The following MSH3 variants were observed in gnomAD, a reference collection of about 807,000 sequenced individuals.
MSH3 encodes mutS homolog 3.
MSH3 carries 106 observed loss-of-function variants against 123.3 expected under a neutral mutation model. The ratio of observed to expected loss-of-function variants is 0.86; its 90% CI spans 0.73 to 1.01. The LOEUF (loss-of-function observed/expected upper bound fraction) is 1.01, where lower values mean the gene tolerates loss of function less well. Ranked by LOEUF, MSH3 falls within the 50% of genes least tolerant of loss-of-function variation. The probability of loss-of-function intolerance (pLI) is 0.00; values close to 1 mark genes in which losing one functional copy is unlikely to be tolerated. For synonymous variants in MSH3, 515 were observed against 481.4 expected (o/e 1.07, Z -0.91); for missense variants, 1,459 against 1,347.6 (o/e 1.08, Z -1.29).
chr5:80,792,970 C>T lies in MSH3; in HGVS notation c.2655+126C>T, dbSNP rs1402302124. On this transcript the variant is annotated intron_variant, in intron 19 of 23. Coordinates refer to ENST00000265081, the MANE Select transcript of MSH3 (RefSeq NM_002439.5). ...TGGCTTTAAATGGGCTAAGCCTGGACATAGTTTTATATTTACCACGAAATG... is the reference window on the plus strand; with the variant it reads ...TGGCTTTAAATGGGCTAAGCCTGGATATAGTTTTATATTTACCACGAAATG... 5 of 667,904 alleles carry T rather than the reference C, an allele frequency of 7.5e-6. No homozygotes were observed. The Admixed American group carries it at 1.3e-4, about 17-fold the overall frequency. The allele number at this position is 667,904 out of a possible 1,614,324, so 41.4% of individuals were successfully genotyped here.
chr5:80,812,474 A>C (rs1488719490), intron 19 of MSH3, among the ~76,000 whole-genome samples: 6 of 152,050 alleles, frequency 3.9e-5, no homozygotes, highest in Admixed American at 1.3e-4. Flanking sequence ...CCTCTCTTCA[A>C]GTTACCAAGT....
rs114717485 is a variant in MSH3 at position 80,737,594 on chromosome 5, G to T, written c.1569-3870G>T. ...TTCTTCTACAATGGTAAATAATTTA[G>T]AATTGCTTGAGTGTTTCAGGTCAGT... On this transcript the variant is annotated intron_variant, in intron 10 of 23. Transcript: ENST00000265081. 6.6e-3 allele frequency among the ~76,000 whole-genome samples: 1,012 copies of T among 152,262 alleles called. 10 individuals are homozygous for T. Among genetic ancestry groups the T allele is most frequent in the African/African-American group, 0.023 (957 of 41,542 alleles).
intron 21 of MSH3, among the ~76,000 whole-genome samples, chr5:80,863,873 A>G (rs1458773645): frequency 1.3e-5 from 2 of 152,154 alleles, no homozygotes; most frequent in East Asian, 1.9e-4. Flanking sequence ...CTCTCAGCAG[A>G]CTTCACAGAG....
At chr5:80,833,465 A>T (rs949314079) in intron 20 of MSH3, among the ~76,000 whole-genome samples, 1 of 152,142 alleles carries the variant, frequency 6.6e-6, no homozygotes, top group South Asian at 2.1e-4. Flanking sequence ...TTGTTTTGAG[A>T]TGGAGTCTCG....
chr5:80,793,224 T>C (rs1720846851), intron 19 of MSH3, among the ~76,000 whole-genome samples: 1 of 152,232 alleles, frequency 6.6e-6, no homozygotes, highest in Non-Finnish European at 1.5e-5. Context: ...GAATCAGAGA[T>C]GCCTTTGCAG....
At chr5:80,797,172 G>A (rs1196133095) in intron 19 of MSH3, among the ~76,000 whole-genome samples, 5 of 152,042 alleles carry the variant, frequency 3.3e-5, no homozygotes, top group African/African-American at 4.8e-5. Context: ...GCCCAGCTGG[G>A]ATGGGTAACC....
chr5:80,754,957 G>A (rs1743900013), intron 12 of MSH3, among the ~76,000 whole-genome samples: 1 of 152,144 alleles, frequency 6.6e-6, no homozygotes, highest in Admixed American at 6.6e-5. Flanking sequence ...CTTCTAAAAT[G>A]AACTACACCG....
intron 11 of MSH3, 65 bp downstream of exon 11, chr5:80,741,613 C>A: frequency 8.7e-7 from 1 of 1,150,440 alleles, no homozygotes; most frequent in Non-Finnish European, 1.3e-6. Context: ...AGTAAGGCAG[C>A]AGTCTGTTTT....
rs1260755063 is a variant in MSH3 at position 80,654,930 on chromosome 5, C to T, written c.203C>T (p.Ala68Val). Residue 68 changes from alanine (A) to valine (V), a missense_variant, in exon 1 of 24, where the codon GCT (alanine) becomes GTT (valine). Physicochemically the swap from Ala to Val is moderately conservative, Grantham distance 64. Coordinates refer to ENST00000265081, the MANE Select transcript of MSH3 (RefSeq NM_002439.5). The stretch of plus-strand genomic sequence containing the variant: ...GCCGCAGCGCCCCCAGCGCCCCCAG[C>T]TCCCGCCTTCCCGCCCCAGCTGCCG... The part of the protein sequence containing the change: ...AAAAAPPAPP[A>V]PAFPPQLPPH... 1.2e-6 allele frequency: 1 copy of T among 810,434 alleles called. No individual in the cohort carries two copies. The highest frequency in any genetic ancestry group is 1.7e-6 in the Non-Finnish European group (1 of 599,940). 50.2% of individuals were successfully genotyped at this position (810,434 alleles called of 1,614,324 possible). A position where few individuals can be genotyped will look rare whatever the true frequency, so the allele number is the denominator to read the frequency against.
intron 12 of MSH3, among the ~76,000 whole-genome samples, chr5:80,753,109 T>C (rs757243439): frequency 6.6e-6 from 1 of 152,202 alleles, no homozygotes; most frequent in Non-Finnish European, 1.5e-5. Flanking sequence ...TTTTTTATAA[T>C]GTACTGCTAT....
intron 12 of MSH3, chr5:80,746,612 G>C: frequency 2.9e-6 from 1 of 350,272 alleles, no homozygotes; most frequent in South Asian, 2.3e-5. Context: ...CATCATCCTC[G>C]GGAGGAGGAC....
At chr5:80,870,143 C>T (rs1446791802) in intron 22 of MSH3, among the ~76,000 whole-genome samples, 1 of 137,392 alleles carries the variant, frequency 7.3e-6, no homozygotes, top group Non-Finnish European at 1.5e-5. Flanking sequence ...CATTGTACTC[C>T]AGCTTGGGCA....
chr5:80,731,151 A>G (rs403236), intron 10 of MSH3, among the ~76,000 whole-genome samples: 109,970 of 151,812 alleles, frequency 0.72, 39,992 homozygotes, highest in African/African-American at 0.81. Context: ...TGATCTGCCC[A>G]CTTGGCCTCC....
intron 8 of MSH3, among the ~76,000 whole-genome samples, chr5:80,721,728 A>G (rs1381656209): frequency 6.6e-6 from 1 of 152,236 alleles, no homozygotes; most frequent in Admixed American, 6.5e-5. Flanking sequence ...AGGGAGACTG[A>G]AAAACTATGC....
intron 10 of MSH3, among the ~76,000 whole-genome samples, chr5:80,734,717 T>G (rs1031909361): frequency 3.3e-5 from 5 of 152,170 alleles, no homozygotes; most frequent in Non-Finnish European, 7.4e-5. Context: ...CTAAACGCCT[T>G]TGAGGACTGG....
intron 15 of MSH3, among the ~76,000 whole-genome samples, chr5:80,769,816 A>G (rs1336942098): frequency 3.9e-5 from 6 of 152,110 alleles, no homozygotes; most frequent in African/African-American, 1.4e-4. Flanking sequence ...ATTTCAAATC[A>G]AATTTTTAAA....
chr5:80,722,045 T>A (rs911435531), intron 8 of MSH3, among the ~76,000 whole-genome samples: 84 of 152,182 alleles, frequency 5.5e-4, no homozygotes, highest in Admixed American at 5.5e-3. Flanking sequence ...AGAAAAAAAA[T>A]ATATAAACTA....
At chr5:80,820,029 C>T (rs944849109) in intron 20 of MSH3, among the ~76,000 whole-genome samples, 1 of 152,120 alleles carries the variant, frequency 6.6e-6, no homozygotes, top group African/African-American at 2.4e-5. Flanking sequence ...TATGTGTATA[C>T]GTGTTTATTT....
chr5:80,741,015 C>T (rs535653561), intron 10 of MSH3, among the ~76,000 whole-genome samples: 1 of 152,112 alleles, frequency 6.6e-6, no homozygotes, highest in African/African-American at 2.4e-5. Flanking sequence ...TGCACCTGGC[C>T]TAGAATCTTG....
Sources: allele counts gnomAD v4.1 joint callset (sites outside exome capture counted in the v4.1 genomes callset), GRCh38; gene constraint gnomAD v4.1.1; transcripts MANE v1.5; gene names NCBI Gene and HGNC (gene_info 2026-07-23, HGNC 2026-07-21).